GAPVD1: variants seen among roughly 807,000 people sequenced by gnomAD.
GAPVD1 encodes the protein GTPase activating protein and VPS9 domains 1.
GAPVD1 carries 35 observed loss-of-function variants against 155.5 expected under a neutral mutation model. The observed-to-expected ratio is 0.23, with a 90% confidence interval of 0.17 to 0.30. The LOEUF is 0.30. Among genes scored for constraint, GAPVD1 ranks in the 10% least tolerant of loss-of-function variants. GAPVD1 has a pLI of 1.00. For missense variants in GAPVD1, 1,429 were observed against 1,775.7 expected, an observed-to-expected ratio of 0.80 and a Z score of 3.51; for synonymous variants, 636 against 619.7, an observed-to-expected ratio of 1.03 and a Z score of -0.39.
Position 125,365,352 on chromosome 9 carries a change from AGTT to A in GAPVD1, c.*2610_*2612del, listed in dbSNP as rs1210050405. On this transcript the variant is annotated 3_prime_UTR_variant, in exon 28 of 28. Coordinates refer to ENST00000297933, the MANE Select transcript of GAPVD1 (RefSeq NM_001282680.3). The stretch of plus-strand genomic sequence containing the variant: ...TTTTTTTTTAATAGAAAAGAGGAAT[AGTT>A]GTTCCCCAAATGTTTCTTCCTCCAC... The A allele has an allele frequency of 6.7e-6, 1 of 149,282 alleles. No homozygotes were observed. Among genetic ancestry groups the A allele is most frequent in the Non-Finnish European group, 1.5e-5 (1 of 67,452 alleles). The allele number at this position is 149,282 out of a possible 1,614,324, so 9.2% of individuals were successfully genotyped here.
Position 125,357,300 on chromosome 9 carries a change from C to T in GAPVD1, c.3971+1443C>T, listed in dbSNP as rs140509373. 3.3e-3 allele frequency among the ~76,000 whole-genome samples: 501 copies of T among 152,226 alleles called. 7 individuals are homozygous for T. Among genetic ancestry groups the T allele is most frequent in the South Asian group, 0.026 (123 of 4,808 alleles). On this transcript the variant is annotated intron_variant, in intron 25 of 27. Coordinates refer to ENST00000297933, the MANE Select transcript of GAPVD1 (RefSeq NM_001282680.3). The stretch of plus-strand genomic sequence containing the variant: ...TATTTATTAAGAATGAACAGTTGGT[C>T]GGGCTTCATGGCTCACACTTGTAAT...
intron 11 of GAPVD1, 35 bp downstream of exon 11, chr9:125,323,958 AAAGAATTTACCTGATTGC>A: frequency 6.3e-7 from 1 of 1,598,942 alleles, no homozygotes; most frequent in East Asian, 2.2e-5. Flanking sequence ...CCTAAGTAGC[AAAGAATTTACCTGATTGC>A]AAGATGAGCA....
At chr9:125,312,267 G>A (rs1842772014) in intron 8 of GAPVD1, among the ~76,000 whole-genome samples, 185 bp from the exon 9 acceptor site, 1 of 152,094 alleles carries the variant, frequency 6.6e-6, no homozygotes, top group South Asian at 2.1e-4. Context: ...ATCTTTATTA[G>A]TCAGTAGAGT....
At chr9:125,350,687 A>G (rs781387252) in intron 22 of GAPVD1, 26 bp from the exon 23 acceptor site, 1 of 1,366,718 alleles carries the variant, frequency 7.3e-7, no homozygotes, top group Non-Finnish European at 1.0e-6. Flanking sequence ...CTCAAGAATA[A>G]CAGAATTCTT....
In GAPVD1 at chr9:125,354,534, T is replaced by G. The variant is rs1291843777; in HGVS notation, c.3570-120T>G. On this transcript the variant is annotated intron_variant, in intron 23 of 27. Coordinates refer to ENST00000297933, the MANE Select transcript of GAPVD1 (RefSeq NM_001282680.3). ...TGTGCTACTGAAGAGAGCACAGACA[T>G]GCTACTTTGTAAAACCAGTCTGTGC... is the stretch of plus-strand genomic sequence containing the variant. The G allele has an allele frequency of 9.3e-6, 6 of 642,606 alleles. No homozygotes were observed. In the East Asian group the frequency reaches 1.5e-4, roughly 17 times the overall value. The allele number at this position is 642,606 out of a possible 1,614,324, so 39.8% of individuals were successfully genotyped here. A position where few individuals can be genotyped will look rare whatever the true frequency, so the allele number is the denominator to read the frequency against.
rs762482183 is a variant in GAPVD1, at chr9:125,321,597, T to C, written c.1732+35T>C. 4 of 1,587,060 alleles carry C rather than the reference T, an allele frequency of 2.5e-6. No homozygotes were observed. In the Admixed American group the frequency reaches 7.0e-5, roughly 28 times the overall value. ...TACTTCATTCAAGGAGTTGTGTGGT[T>C]CAATTAATAGTTTGTTTTGTGTTTT... On this transcript the variant is annotated intron_variant, in intron 10 of 27. Transcript: ENST00000297933.
intron 19 of GAPVD1, among the ~76,000 whole-genome samples, chr9:125,343,973 C>A (rs780183369): frequency 1.3e-5 from 2 of 152,126 alleles, no homozygotes; most frequent in Non-Finnish European, 2.9e-5. Context: ...TTTTACTTAT[C>A]CTCTTTAGGC....
intron 15 of GAPVD1, among the ~76,000 whole-genome samples, chr9:125,333,485 CT>C (rs36083522): frequency 0.015 from 1,808 of 124,340 alleles, 21 homozygotes; most frequent in African/African-American, 0.048. Context: ...TACCTTTTGT[CT>C]TTTTTTTTTT....
chr9:125,294,579 G>A (rs776854749), intron 2 of GAPVD1, among the ~76,000 whole-genome samples: 2 of 147,284 alleles, frequency 1.4e-5, no homozygotes, highest in Non-Finnish European at 1.5e-5. Flanking sequence ...AACTCCAGAC[G>A]TTGTGATCCA....
chr9:125,347,057 C>G (rs1848604783), intron 20 of GAPVD1, 116 bp downstream of exon 20: 7 of 960,966 alleles, frequency 7.3e-6, no homozygotes, highest in African/African-American at 1.6e-5. Context: ...TTTACTACCT[C>G]AAAATTACAG....
In GAPVD1 at chr9:125,299,021, G is replaced by A; in HGVS notation, c.100G>A (p.Val34Ile). 3 of 1,611,572 alleles carry A rather than the reference G, an allele frequency of 1.9e-6. No individual in the cohort carries two copies. The highest frequency in any genetic ancestry group is 2.5e-6 in the Non-Finnish European group (3 of 1,177,760). ...GCTCATTCAGAGGCTCAATGCAGAT[G>A]TACTTAAGACAGCTGAAAAGTTGTA... ...KQLIQRLNAD[V>I]LKTAEKLYRT... Residue 34 changes from valine (V) to isoleucine (I), a missense_variant, in exon 4 of 28, where the codon GTA (valine) becomes ATA (isoleucine). This residue lies in a region of GAPVD1 where 628 missense variants were observed against 733.4 expected (regional missense o/e 0.86). Coordinates refer to ENST00000297933, the MANE Select transcript of GAPVD1 (RefSeq NM_001282680.3).
At chr9:125,288,531 A>T (rs1838090887) in intron 2 of GAPVD1, among the ~76,000 whole-genome samples, 1 of 152,112 alleles carries the variant, frequency 6.6e-6, no homozygotes, top group African/African-American at 2.4e-5. Context: ...AGAATATGTC[A>T]TTGAAATACC....
At chr9:125,354,627 T>A in intron 23 of GAPVD1, 27 bp from the exon 24 acceptor site, 3 of 1,492,960 alleles carry the variant, frequency 2.0e-6, no homozygotes, top group Non-Finnish European at 2.8e-6. Flanking sequence ...ATATATCTGA[T>A]GTCATGCAAA....
intron 12 of GAPVD1, among the ~76,000 whole-genome samples, chr9:125,328,490 C>T (rs1178883209): frequency 7.3e-6 from 1 of 137,874 alleles, no homozygotes; most frequent in Non-Finnish European, 1.5e-5. Flanking sequence ...GGACACAGCA[C>T]ATGTTTCAGA....
chr9:125,265,924 TA>T (rs1294990326), intron 1 of GAPVD1, among the ~76,000 whole-genome samples: 1,246 of 72,654 alleles, frequency 0.017, 20 homozygotes, highest in African/African-American at 0.056. Context: ...AAAAAATTTA[TA>T]AAAAAAAAAA....
At chr9:125,344,346 C>G (rs372554430) in intron 19 of GAPVD1, among the ~76,000 whole-genome samples, 1 of 152,058 alleles carries the variant, frequency 6.6e-6, no homozygotes, top group Non-Finnish European at 1.5e-5. Context: ...TAAAACCTCC[C>G]CCAATTTTTA....
At chr9:125,329,061 A>G (rs142761102) in intron 12 of GAPVD1, among the ~76,000 whole-genome samples, 4,930 of 150,176 alleles carry the variant, frequency 0.033, 111 homozygotes, top group Non-Finnish European at 0.047. Context: ...GCAGTGAGCC[A>G]AGATGGCAGC....
At chr9:125,360,506 T>C (rs1850753569) in intron 26 of GAPVD1, 22 bp from the exon 27 acceptor site, 1 of 1,600,332 alleles carries the variant, frequency 6.2e-7, no homozygotes, top group Non-Finnish European at 8.6e-7. Flanking sequence ...AGAATCTGTA[T>C]ATTGTCTATG....
intron 23 of GAPVD1, among the ~76,000 whole-genome samples, chr9:125,352,647 C>A (rs1849470853): frequency 6.6e-6 from 1 of 152,212 alleles, no homozygotes; most frequent in Non-Finnish European, 1.5e-5. Flanking sequence ...CTCTGACATG[C>A]CCTGGAGACA....
Sources: gnomAD v4.1 joint callset for allele counts (sites outside exome capture counted in the v4.1 genomes callset) on GRCh38, gnomAD v4.1.1 for gene constraint, gnomAD v4.1.1 regional missense constraint, MANE v1.5 for transcripts, NCBI Gene and HGNC (gene_info 2026-07-23, HGNC 2026-07-21) for gene names.